Variants in FAF1 observed in about 807,000 individuals in gnomAD.
FAF1 encodes Fas associated factor 1.
Under a neutral mutation model 92.5 loss-of-function variants are expected in FAF1, and 25 were observed. The ratio of observed to expected loss-of-function variants is 0.27; its 90% CI spans 0.20 to 0.38. The LOEUF is 0.38. Among genes scored for constraint, FAF1 ranks in the 10% least tolerant of loss-of-function variants. FAF1 has a pLI of 1.00. For missense variants in FAF1, 636 were observed against 793.3 expected (o/e 0.80, Z 2.38); for synonymous variants, 234 against 273.2 (o/e 0.86, Z 1.42).
At chr1:50,503,568 C>T (rs1333349817) in intron 15 of FAF1, among the ~76,000 whole-genome samples, 2 of 150,924 alleles carry the variant, frequency 1.3e-5, no homozygotes, top group Non-Finnish European at 2.9e-5. Context: ...TGAGGTATGA[C>T]TGCACCACTG....
chr1:50,527,649 TCTTA>T (rs1647884441), intron 15 of FAF1, among the ~76,000 whole-genome samples: 2 of 152,204 alleles, frequency 1.3e-5, no homozygotes, highest in Non-Finnish European at 2.9e-5. Flanking sequence ...AAGAACTGAT[TCTTA>T]CTTTGCACAC....
At chr1:50,876,434 C>A (rs1467338138) in intron 1 of FAF1, among the ~76,000 whole-genome samples, 1 of 152,142 alleles carries the variant, frequency 6.6e-6, no homozygotes, top group Non-Finnish European at 1.5e-5. Flanking sequence ...ACCTGGAACA[C>A]CTTGTAGTGC....
At chr1:50,780,747 G>T in intron 4 of FAF1, 1 of 295,740 alleles carries the variant, frequency 3.4e-6, no homozygotes, top group South Asian at 3.1e-5. Flanking sequence ...TGATGCTGGA[G>T]AACAAATCAC....
rs58832551 is a variant in FAF1 at position 50,713,773 on chromosome 1, C to CTT, written c.552-7884_552-7883dup. Among the ~76,000 whole-genome samples the CTT allele has an allele frequency of 4.0e-3, 481 of 119,504 alleles. 8 individuals are homozygous for CTT. Among genetic ancestry groups the CTT allele is most frequent in the East Asian group, 5.6e-3 (24 of 4,258 alleles). 78.4% of individuals were successfully genotyped at this position (119,504 alleles called of 152,430 possible). A position where few individuals can be genotyped will look rare whatever the true frequency, so the allele number is the denominator to read the frequency against. ...TCACTGCGCCTGGCAAATGTAAAAG[C>CTT]TTTTTTTTTTTTTTTTTTGAGATGG... is the stretch of plus-strand genomic sequence containing the variant. On this transcript the variant is annotated intron_variant, in intron 6 of 18. Transcript: ENST00000396153.
chr1:50,495,907 C>T (rs1271784558), intron 15 of FAF1, among the ~76,000 whole-genome samples: 1 of 152,140 alleles, frequency 6.6e-6, no homozygotes, highest in Non-Finnish European at 1.5e-5. Flanking sequence ...CCCACTGTGG[C>T]ACACTACGTA....
At chr1:50,699,598 T>C (rs1657380649) in intron 7 of FAF1, among the ~76,000 whole-genome samples, 1 of 152,160 alleles carries the variant, frequency 6.6e-6, no homozygotes, top group African/African-American at 2.4e-5. Context: ...AACAGCAATA[T>C]ATTTTTAAAG....
chr1:50,758,178 A>G (rs1438203843), intron 4 of FAF1, among the ~76,000 whole-genome samples: 1 of 152,194 alleles, frequency 6.6e-6, no homozygotes, highest in Non-Finnish European at 1.5e-5. Flanking sequence ...TTGGCCTCCC[A>G]AAGTGCTGGG....
chr1:50,561,006 A>G (rs1219750136), intron 13 of FAF1, among the ~76,000 whole-genome samples: 1 of 152,180 alleles, frequency 6.6e-6, no homozygotes, highest in Admixed American at 6.5e-5. Context: ...TGGTGTTCTA[A>G]TAGAACATGC....
intron 1 of FAF1, among the ~76,000 whole-genome samples, chr1:50,891,744 C>T (rs577418460): frequency 2.3e-4 from 35 of 152,276 alleles, no homozygotes; most frequent in South Asian, 6.2e-4. Context: ...GGTACCCAGC[C>T]GTGTGAGGTG....
chr1:50,565,455 A>T (rs1403698451), intron 13 of FAF1, among the ~76,000 whole-genome samples: 1 of 152,072 alleles, frequency 6.6e-6, no homozygotes, highest in Non-Finnish European at 1.5e-5. Context: ...TAGTGTTTTT[A>T]AAAAAGTGTC....
At position 50,451,840 on chromosome 1, in the gene FAF1, C is replaced by T. The variant is rs892372154; in HGVS notation, c.1870-10317G>A. 4.0e-6 allele frequency: 4 copies of T among 1,004,016 alleles called. No individual in the cohort carries two copies. In the African/African-American group the frequency reaches 6.9e-5, roughly 17 times the overall value. The allele number at this position is 1,004,016 out of a possible 1,614,324, so 62.2% of individuals were successfully genotyped here. ...GCAAATCTGGATTCTTCATTCCTAG[C>T]CTATGCCTTTAGATGGACTGTTTAG... On this transcript the variant is annotated intron_variant, in intron 18 of 18. Coordinates refer to ENST00000396153, the MANE Select transcript of FAF1 (RefSeq NM_007051.3).
intron 4 of FAF1, among the ~76,000 whole-genome samples, chr1:50,745,496 G>C (rs1659552589): frequency 6.6e-6 from 1 of 152,116 alleles, no homozygotes; most frequent in African/African-American, 2.4e-5. Context: ...GGCCTGATGG[G>C]AGGTGACTGG....
chr1:50,539,131 T>C (rs947223467), intron 14 of FAF1, among the ~76,000 whole-genome samples: 1 of 152,230 alleles, frequency 6.6e-6, no homozygotes, highest in African/African-American at 2.4e-5. Context: ...TGCTTCAGGG[T>C]TGCACCCTAA....
chr1:50,635,676 G>A (rs900903781), intron 8 of FAF1, among the ~76,000 whole-genome samples: 15 of 152,112 alleles, frequency 9.9e-5, no homozygotes, highest in East Asian at 3.8e-4. Context: ...GTCTCAAACC[G>A]CTAAGCTCAA....
chr1:50,602,451 G>A (rs1652185242), intron 8 of FAF1, among the ~76,000 whole-genome samples: 1 of 151,524 alleles, frequency 6.6e-6, no homozygotes, highest in Admixed American at 6.6e-5. Flanking sequence ...CTTCAATAAG[G>A]CAGTATTCAG....
chr1:50,501,304 G>A (rs72898961), intron 15 of FAF1, among the ~76,000 whole-genome samples: 10,200 of 152,182 alleles, frequency 0.067, 421 homozygotes, highest in East Asian at 0.093. Context: ...CTCATTAATC[G>A]TCAAGAAAAT....
intron 13 of FAF1, among the ~76,000 whole-genome samples, chr1:50,543,557 G>C (rs909591058): frequency 6.6e-6 from 1 of 152,120 alleles, no homozygotes. Flanking sequence ...ACTTGGACTT[G>C]TGCCTAAAAT....
chr1:50,660,506 T>A (rs1322058206), intron 7 of FAF1, among the ~76,000 whole-genome samples: 1 of 151,978 alleles, frequency 6.6e-6, no homozygotes, highest in African/African-American at 2.4e-5. Flanking sequence ...CTTTCTTTTT[T>A]TTTTTTTCCC....
chr1:50,579,325 T>C (rs1039975035), intron 12 of FAF1, among the ~76,000 whole-genome samples: 11 of 152,146 alleles, frequency 7.2e-5, no homozygotes, highest in Admixed American at 6.6e-5. Flanking sequence ...GCTTTGGAAA[T>C]GGGCTTTTAA....
Sources: allele counts gnomAD v4.1 joint callset (sites outside exome capture counted in the v4.1 genomes callset), GRCh38; gene constraint gnomAD v4.1.1; transcripts MANE v1.5; gene names NCBI Gene and HGNC (gene_info 2026-07-23, HGNC 2026-07-21).